SF3A2: variants seen among roughly 807,000 people sequenced by gnomAD.
SF3A2 encodes SAP 62.
SF3A2 carries 5 observed loss-of-function variants against 31.1 expected under a neutral mutation model. That is an observed-to-expected ratio of 0.16 (90% CI 0.08 to 0.34). The LOEUF is 0.34. SF3A2 is among the 10% of genes least tolerant of loss of function. The pLI is 1.00. For synonymous variants in SF3A2, 365 were observed against 263.7 expected (o/e 1.38, Z -3.72); for missense variants, 577 against 643.9 (o/e 0.90, Z 1.13).
intron 2 of SF3A2, among the ~76,000 whole-genome samples, chr19:2,244,116 G>C (rs1265055189): frequency 6.6e-6 from 1 of 152,200 alleles, no homozygotes; most frequent in Non-Finnish European, 1.5e-5. Context: ...CCTGCAGATG[G>C]GCGGGTCTTT....
At chr19:2,243,023 G>A (rs1192505498) in intron 1 of SF3A2, among the ~76,000 whole-genome samples, 2 of 152,192 alleles carry the variant, frequency 1.3e-5, no homozygotes, top group African/African-American at 2.4e-5. Flanking sequence ...GTGGTGACTC[G>A]TTTGTGAGAT....
chr19:2,244,073 G>A (rs2074860), intron 2 of SF3A2, among the ~76,000 whole-genome samples: 104,154 of 152,140 alleles, frequency 0.68, 38,479 homozygotes, highest in Non-Finnish European at 0.84. Flanking sequence ...CGTCTGAGAC[G>A]AGATGTGTGC....
chr19:2,246,550 G>A lies in SF3A2; in HGVS notation c.356-203G>A, dbSNP rs569407634. Among the ~76,000 whole-genome samples the A allele has an allele frequency of 1.8e-4, 27 of 152,200 alleles. No homozygotes were observed. The South Asian group carries it at 3.1e-3, about 18-fold the overall frequency. ...CCTCGGTCCCTGCCTGAGTGACTCCGCAGGTAGCTCAGCTCTGGCGCACCT... is the reference window on the plus strand; with the variant it reads ...CCTCGGTCCCTGCCTGAGTGACTCCACAGGTAGCTCAGCTCTGGCGCACCT... On this transcript the variant is annotated intron_variant, in intron 5 of 8. Transcript: ENST00000221494. This position sits in a 1 kb window ranked among gnomAD's most constrained non-coding sequence, Gnocchi z 5.5.
Position 2,245,309 on chromosome 19 carries a change from C to A in SF3A2, c.246-137C>A. ...CCCTGTCCTCAGCCAAACCCCAGGGCCCCTCCCAGGCCCCTGGCCCTCCTC... is the reference window on the plus strand; with the variant it reads ...CCCTGTCCTCAGCCAAACCCCAGGGACCCTCCCAGGCCCCTGGCCCTCCTC... On this transcript the variant is annotated intron_variant, in intron 4 of 8. Transcript: ENST00000221494. The surrounding 1 kb of genome is among the most constrained non-coding windows in gnomAD (Gnocchi z 4.2). 1 of 634,382 alleles carries A rather than the reference C, an allele frequency of 1.6e-6. No individual in the cohort carries two copies. Among genetic ancestry groups the A allele is most frequent in the Non-Finnish European group, 2.8e-6 (1 of 359,146 alleles). The allele number at this position is 634,382 out of a possible 1,614,324, so 39.3% of individuals were successfully genotyped here. A position where few individuals can be genotyped will look rare whatever the true frequency, so the allele number is the denominator to read the frequency against.
chr19:2,248,211 GC>G lies in SF3A2; in HGVS notation c.1064del (p.Pro355LeufsTer91). 1 of 1,295,542 alleles carries G rather than the reference GC, an allele frequency of 7.7e-7. No homozygotes were observed. The highest frequency in any genetic ancestry group is 1.0e-6 in the Non-Finnish European group (1 of 995,394). The allele number at this position is 1,295,542 out of a possible 1,614,324, so 80.3% of individuals were successfully genotyped here. On this transcript the variant is annotated frameshift_variant, in exon 9 of 9. Coordinates refer to ENST00000221494, the MANE Select transcript of SF3A2 (RefSeq NM_007165.5). LOFTEE classifies it low-confidence loss of function (END_TRUNC). ...HPPAPGVHPP[A>X]PGVHPPAPGV... ...ACCAGCCCCCGGAGTCCACCCACCA[GC>G]CCCTGGGGTTCACCCACCAGCCCCA... is the stretch of plus-strand genomic sequence containing the variant.
In SF3A2 at chr19:2,248,634, G is replaced by A. The variant is rs962426772; in HGVS notation, c.*88G>A. On this transcript the variant is annotated 3_prime_UTR_variant, in exon 9 of 9. Transcript: ENST00000221494. ...AGGCTGCTCTTTTGTACTGCCCCCCGCTCATTAAACAGCCTCCCCCAGCCC... is the reference window on the plus strand; with the variant it reads ...AGGCTGCTCTTTTGTACTGCCCCCCACTCATTAAACAGCCTCCCCCAGCCC... The A allele has an allele frequency of 1.7e-5, 7 of 409,786 alleles. No individual in the cohort carries two copies. Among genetic ancestry groups the A allele is most frequent in the South Asian group, 1.8e-4 (2 of 11,180 alleles). The allele number at this position is 409,786 out of a possible 1,614,324, so 25.4% of individuals were successfully genotyped here.
intron 1 of SF3A2, among the ~76,000 whole-genome samples, chr19:2,241,368 G>A (rs1299003159): frequency 1.3e-5 from 2 of 152,236 alleles, no homozygotes. Flanking sequence ...TGTGATGTGT[G>A]GAGAGGCAAG....
At chr19:2,240,231 G>A (rs1214835973) in intron 1 of SF3A2, among the ~76,000 whole-genome samples, 1 of 152,180 alleles carries the variant, frequency 6.6e-6, no homozygotes, top group Non-Finnish European at 1.5e-5. Context: ...TGAGCTGTGC[G>A]GAGGAACCGC....
intron 1 of SF3A2, among the ~76,000 whole-genome samples, chr19:2,240,264 G>C (rs569856940): frequency 1.3e-5 from 2 of 152,360 alleles, no homozygotes; most frequent in African/African-American, 4.8e-5. Flanking sequence ...TGCCCAGGCG[G>C]CAGGTCGTGA....
In SF3A2 at chr19:2,246,347, A is replaced by T. The variant is rs562681048; in HGVS notation, c.356-406A>T. On this transcript the variant is annotated intron_variant, in intron 5 of 8. Coordinates refer to ENST00000221494, the MANE Select transcript of SF3A2 (RefSeq NM_007165.5). This position sits in a 1 kb window ranked among gnomAD's most constrained non-coding sequence, Gnocchi z 5.5. ...GTCCAGGCTGCTGAGCTCTGGCGGG[A>T]AGGGCATCCTCTCTCGCTCACCGTA... Among the ~76,000 whole-genome samples the T allele has an allele frequency of 5.3e-5, 8 of 152,150 alleles. No homozygotes were observed. The highest frequency in any genetic ancestry group is 1.7e-4 in the African/African-American group (7 of 41,488).
chr19:2,247,988 G>C lies in SF3A2; in HGVS notation c.837G>C (p.Gln279His). Residue 279 changes from glutamine to histidine, a missense_variant, in exon 9 of 9, where the codon CAG becomes CAC. Gln to His is a conservative substitution (Grantham distance 24). This residue lies in a region of SF3A2 where 462 missense variants were observed against 339.1 expected (regional missense o/e 1.36). Transcript: ENST00000221494. ...CCTCAGGGCCCCCGGGACCACCCCA[G>C]CTACCCCCGCCAGCTCCAGGGGTCC... ...PAPSGPPGPPQLPPPAPGVHP... is the reference protein window; with the variant it reads ...PAPSGPPGPPHLPPPAPGVHP... 1 of 940,812 alleles carries C rather than the reference G, an allele frequency of 1.1e-6. No individual in the cohort carries two copies. Among genetic ancestry groups the C allele is most frequent in the Non-Finnish European group, 1.6e-6 (1 of 616,446 alleles). The allele number at this position is 940,812 out of a possible 1,614,324, so 58.3% of individuals were successfully genotyped here.
chr19:2,244,641 G>T (rs551867421), intron 3 of SF3A2, 26 bp downstream of exon 3: 3 of 1,612,306 alleles, frequency 1.9e-6, no homozygotes, highest in Non-Finnish European at 2.5e-6. Context: ...GGCTCCGGGC[G>T]GCTCGCGGCG....
rs576997564 is a variant in SF3A2 at position 2,246,342 on chromosome 19, G to A, written c.356-411G>A. Among the ~76,000 whole-genome samples, 2 of 152,266 alleles carry A rather than the reference G, an allele frequency of 1.3e-5. No individual in the cohort carries two copies. The highest frequency in any genetic ancestry group is 4.1e-4 in the South Asian group (2 of 4,828). On this transcript the variant is annotated intron_variant, in intron 5 of 8. Transcript: ENST00000221494. The surrounding 1 kb of genome is among the most constrained non-coding windows in gnomAD (Gnocchi z 5.5). ...TCGGGGTCCAGGCTGCTGAGCTCTGGCGGGAAGGGCATCCTCTCTCGCTCA... is the reference window on the plus strand; with the variant it reads ...TCGGGGTCCAGGCTGCTGAGCTCTGACGGGAAGGGCATCCTCTCTCGCTCA...
chr19:2,248,436 CA>C lies in SF3A2; in HGVS notation c.1286del (p.His429ProfsTer17). 7.3e-7 allele frequency: 1 copy of C among 1,368,662 alleles called. No homozygotes were observed. The highest frequency in any genetic ancestry group is 9.4e-7 in the Non-Finnish European group (1 of 1,061,992). The allele number at this position is 1,368,662 out of a possible 1,614,324, so 84.8% of individuals were successfully genotyped here. ...PGVHPQPPGVHPSNPGVHPPT... is the reference protein window; with the variant it reads ...PGVHPQPPGVXPSNPGVHPPT... ...GGTCCACCCTCAGCCTCCGGGAGTT[CA>C]CCCCTCAAATCCTGGGGTGCACCCC... is the stretch of plus-strand genomic sequence containing the variant. On this transcript the variant is annotated frameshift_variant, in exon 9 of 9. Coordinates refer to ENST00000221494, the MANE Select transcript of SF3A2 (RefSeq NM_007165.5). LOFTEE classifies it high-confidence loss of function.
intron 8 of SF3A2, 21 bp from the exon 9 acceptor site, chr19:2,247,746 A>T: frequency 6.2e-7 from 1 of 1,611,240 alleles, no homozygotes; most frequent in South Asian, 1.1e-5. Context: ...GTGCCTGCTG[A>T]ACCTTTCTCC....
rs1398659265 is a variant in SF3A2, at chr19:2,245,584, C to A, written c.355+29C>A. 6.9e-7 allele frequency: 1 copy of A among 1,454,336 alleles called. No individual in the cohort carries two copies. Among genetic ancestry groups the A allele is most frequent in the South Asian group, 1.2e-5 (1 of 82,120 alleles). 90.1% of individuals were successfully genotyped at this position (1,454,336 alleles called of 1,614,324 possible). On this transcript the variant is annotated intron_variant, in intron 5 of 8. Transcript: ENST00000221494. This position sits in a 1 kb window ranked among gnomAD's most constrained non-coding sequence, Gnocchi z 4.2. ...AGTCTGCCCGCAGCGGGGCCGGCCA[C>A]AGCCGCTGCCGTGACATAAGTGTGT...
At chr19:2,241,922 A>T (rs551855849) in intron 1 of SF3A2, among the ~76,000 whole-genome samples, 1 of 152,278 alleles carries the variant, frequency 6.6e-6, no homozygotes, top group East Asian at 1.9e-4. Context: ...TACTGCAGTG[A>T]GCTGGGAGGT....
At chr19:2,242,766 G>A (rs1257890195) in intron 1 of SF3A2, among the ~76,000 whole-genome samples, 5 of 152,152 alleles carry the variant, frequency 3.3e-5, no homozygotes, top group African/African-American at 4.8e-5. Flanking sequence ...CTTGGCAGAG[G>A]CCTGCATCAG....
chr19:2,239,854 T>C (rs2024873551), intron 1 of SF3A2, among the ~76,000 whole-genome samples: 1 of 152,218 alleles, frequency 6.6e-6, no homozygotes, highest in Admixed American at 6.5e-5. Context: ...GTCTGTATTT[T>C]TCAAGGGCTT....
Sources: gnomAD v4.1 joint callset for allele counts (sites outside exome capture counted in the v4.1 genomes callset) on GRCh38, gnomAD v4.1.1 for gene constraint, gnomAD v4.1.1 regional missense constraint, Gnocchi (gnomAD v3.1) non-coding constraint, MANE v1.5 for transcripts, NCBI Gene and HGNC (gene_info 2026-07-23, HGNC 2026-07-21) for gene names.